The following TAF6 variants were observed in gnomAD, a reference collection of about 807,000 sequenced individuals.
The protein encoded by TAF6 is transcription initiation factor TFIID subunit 6.
In TAF6, 50 loss-of-function variants were observed where a neutral mutation model predicts 73.5. The ratio of observed to expected loss-of-function variants is 0.68; its 90% CI spans 0.54 to 0.86. The LOEUF (loss-of-function observed/expected upper bound fraction) is 0.86, where lower values mean the gene tolerates loss of function less well. Among genes scored for constraint, TAF6 ranks in the 40% least tolerant of loss-of-function variants. The probability of loss-of-function intolerance (pLI) is 0.00; values close to 1 mark genes in which losing one functional copy is unlikely to be tolerated. For missense variants in TAF6, 768 were observed against 899.5 expected, an observed-to-expected ratio of 0.85 and a Z score of 1.87; for synonymous variants, 424 against 376.7, an observed-to-expected ratio of 1.13 and a Z score of -1.45.
chr7:100,113,486 A>G (rs1213532791), intron 4 of TAF6, 81 bp from the exon 5 acceptor site: 1 of 1,527,486 alleles, frequency 6.5e-7, no homozygotes, highest in East Asian at 2.3e-5. Flanking sequence ...GCGTGTTTCC[A>G]CTCCTGCTCC....
At chr7:100,121,867 G>T (rs375581987), upstream of TAF6, among the ~76,000 whole-genome samples, 1 of 145,766 alleles carries the variant, frequency 6.9e-6, no homozygotes, top group Non-Finnish European at 1.5e-5. Context: ...TGGCTAACAC[G>T]GTGAAACCCT....
chr7:100,123,295 T>A, upstream of TAF6, among the ~76,000 whole-genome samples: 1 of 150,262 alleles, frequency 6.7e-6, no homozygotes, highest in East Asian at 2.0e-4. Flanking sequence ...TGAGCCAAGA[T>A]CGCACCATTG....
chr7:100,111,406 G>A (rs1256832847), intron 9 of TAF6, 85 bp from the exon 10 acceptor site: 4 of 1,469,488 alleles, frequency 2.7e-6, no homozygotes, highest in East Asian at 4.7e-5. Context: ...AGGCTGGTGT[G>A]CAGGGACACA....
upstream of TAF6, chr7:100,122,982 A>C: frequency 6.8e-7 from 1 of 1,476,462 alleles, no homozygotes; most frequent in Admixed American, 2.1e-5. Flanking sequence ...GGGTTTGACT[A>C]TAGGGGATGT....
At chr7:100,122,229 C>T, upstream of TAF6, 3 of 1,612,474 alleles carry the variant, frequency 1.9e-6, no homozygotes, top group Non-Finnish European at 2.5e-6. Flanking sequence ...TGTCTTTTAC[C>T]TCCCCCCGGA....
rs375784293 is a variant in TAF6 at position 100,114,125 on chromosome 7, C to G, written c.85G>C (p.Ala29Pro). The change falls in exon 2 of 15, where the codon GCC becomes CCC. Residue 29 changes from alanine to proline, a missense_variant. Around this residue, in one of 5 missense-constraint regions of TAF6, gnomAD observed 269 missense variants for 268.0 expected, o/e 1.00. Transcript: ENST00000453269. ...MKVVAESMGI[A>P]QIQEETCQLL... ...TGGCAGGTCTCCTCCTGAATCTGGG[C>G]GATGCCCATGGATTCAGCCACCACC... 4 of 1,614,172 alleles carry G rather than the reference C, an allele frequency of 2.5e-6. No homozygotes were observed. In the South Asian group the frequency reaches 4.4e-5, roughly 18 times the overall value.
At position 100,119,326 on chromosome 7, in the gene TAF6, C is replaced by A; in HGVS notation, c.-182G>T. The A allele has an allele frequency of 9.7e-7, 1 of 1,034,048 alleles. No homozygotes were observed. The highest frequency in any genetic ancestry group is 1.2e-6 in the Non-Finnish European group (1 of 859,012). The allele number at this position is 1,034,048 out of a possible 1,614,324, so 64.1% of individuals were successfully genotyped here. On this transcript the variant is annotated 5_prime_UTR_variant, in exon 1 of 15. An upstream open reading frame in the 5' UTR loses its in-frame stop. Coordinates refer to ENST00000453269, the MANE Select transcript of TAF6 (RefSeq NM_139315.3). Reference sequence around the variant, plus strand: ...CTCTAGCGGCAGCCGAGACGCTGCTCACCCGGCGCTCGGCGCCATCTTGGC... The same window carrying A: ...CTCTAGCGGCAGCCGAGACGCTGCTAACCCGGCGCTCGGCGCCATCTTGGC...
chr7:100,119,570 A>G (rs932544850), upstream of TAF6: 2 of 1,430,622 alleles, frequency 1.4e-6, no homozygotes, highest in Non-Finnish European at 1.9e-6. Flanking sequence ...CACAAAACGG[A>G]GGCAGGGAAA....
At chr7:100,107,715 C>T (rs1391181029) in intron 14 of TAF6, 92 bp from the exon 15 acceptor site, 5 of 1,525,846 alleles carry the variant, frequency 3.3e-6, no homozygotes, top group African/African-American at 1.4e-5. Flanking sequence ...CCTGCCTGAA[C>T]AAGTTGTTCC....
At chr7:100,121,108 ATATATATATTTTTTTTTT>A (rs1798035013), upstream of TAF6, 1 of 17,894 alleles carries the variant, frequency 5.6e-5, no homozygotes, top group African/African-American at 2.2e-4. Context: ...ATATATATAT[ATATATATATTTTTTTTTT>A]TTTTTTTTTT....
intron 9 of TAF6, 72 bp downstream of exon 9, chr7:100,111,656 T>C: frequency 6.6e-7 from 1 of 1,509,294 alleles, no homozygotes; most frequent in Non-Finnish European, 9.2e-7. Flanking sequence ...GAGCCACTGC[T>C]GACCACTGAC....
At chr7:100,110,992 A>AC in intron 10 of TAF6, 147 bp downstream of exon 10, 1 of 911,522 alleles carries the variant, frequency 1.1e-6, no homozygotes, top group East Asian at 2.7e-5. Context: ...AAAAAAAAAA[A>AC]AAAGGTATTA....
rs190057082 is a variant in TAF6, at chr7:100,113,087, A to T, written c.455-170T>A. 1.4e-3 allele frequency among the ~76,000 whole-genome samples: 211 copies of T among 151,960 alleles called. 3 individuals are homozygous for T. In the East Asian group the frequency reaches 0.026, roughly 19 times the overall value. On this transcript the variant is annotated intron_variant, in intron 5 of 14. Coordinates refer to ENST00000453269, the MANE Select transcript of TAF6 (RefSeq NM_139315.3). Reference sequence around the variant, plus strand: ...CGAGACCAGCCTGGCCAACATGGTGAAACCTCGTGTCTACTAAAATTACAA... The same window carrying T: ...CGAGACCAGCCTGGCCAACATGGTGTAACCTCGTGTCTACTAAAATTACAA...
chr7:100,108,182 G>A lies in TAF6; in HGVS notation c.1459-59C>T, dbSNP rs527290968. On this transcript the variant is annotated intron_variant, in intron 13 of 14. Transcript: ENST00000453269. The stretch of plus-strand genomic sequence containing the variant: ...CATCTACTAAGAAGAGGAGTCTGAA[G>A]GGAGAGGCCTGGGCTCCCCTCGCTC... 3.2e-5 allele frequency: 49 copies of A among 1,528,506 alleles called. 2 individuals are homozygous for A. In the Middle Eastern group the frequency reaches 9.3e-4, roughly 29 times the overall value. The allele number at this position is 1,528,506 out of a possible 1,614,324, so 94.7% of individuals were successfully genotyped here.
At position 100,107,196 on chromosome 7, in the gene TAF6, G is replaced by A. The variant is rs367786132; in HGVS notation, c.*50C>T. 160 of 1,518,868 alleles carry A rather than the reference G, an allele frequency of 1.1e-4. No individual in the cohort carries two copies. In the African/African-American group the frequency reaches 1.3e-3, roughly 12 times the overall value. The allele number at this position is 1,518,868 out of a possible 1,614,324, so 94.1% of individuals were successfully genotyped here. Reference sequence around the variant, plus strand: ...CGAGCATGCATGTGTGTACGTGCACGTGTGTACATGTCTGCATGTGTGGGA... The same window carrying A: ...CGAGCATGCATGTGTGTACGTGCACATGTGTACATGTCTGCATGTGTGGGA... On this transcript the variant is annotated 3_prime_UTR_variant, in exon 15 of 15. Coordinates refer to ENST00000453269, the MANE Select transcript of TAF6 (RefSeq NM_139315.3).
chr7:100,119,193 A>G lies in TAF6; in HGVS notation c.-60+11T>C. On this transcript the variant is annotated intron_variant, in intron 1 of 14. Transcript: ENST00000453269. ...ACACGGGGTCCCCACGAGCACAGAC[A>G]CACAACCAACCGTCCTCTTTCCAGT... The G allele has an allele frequency of 5.1e-6, 5 of 989,994 alleles. No individual in the cohort carries two copies. The highest frequency in any genetic ancestry group is 6.0e-6 in the Non-Finnish European group (5 of 832,386). 61.3% of individuals were successfully genotyped at this position (989,994 alleles called of 1,614,324 possible). A position where few individuals can be genotyped will look rare whatever the true frequency, so the allele number is the denominator to read the frequency against.
Position 100,111,827 on chromosome 7 carries a change from G to T in TAF6, c.801C>A (p.Val267=). Residue 267 remains valine (V), a splice_region_variant and synonymous_variant, in exon 9 of 15, where the codon GTC becomes GTA. Transcript: ENST00000453269. ...GGTTGTTCTGAACCACGTTCACACGGACCTGTGGGAGGGAGAAGTGCTGGG... is the reference window on the plus strand; with the variant it reads ...GGTTGTTCTGAACCACGTTCACACGTACCTGTGGGAGGGAGAAGTGCTGGG... The part of the protein sequence containing the change: ...PRFSTFISEG[V]RVNVVQNNLA... The T allele has an allele frequency of 6.2e-7, 1 of 1,614,224 alleles. No individual in the cohort carries two copies. The highest frequency in any genetic ancestry group is 8.5e-7 in the Non-Finnish European group (1 of 1,180,024).
At chr7:100,121,112 ATATAT>A (rs1798040522), upstream of TAF6, 1 of 30,718 alleles carries the variant, frequency 3.3e-5, no homozygotes, top group African/African-American at 1.6e-4. Flanking sequence ...ATATATATAT[ATATAT>A]TTTTTTTTTT....
At chr7:100,114,411 G>C (rs1193297753) in intron 1 of TAF6, 143 bp from the exon 2 acceptor site, 1 of 848,882 alleles carries the variant, frequency 1.2e-6, no homozygotes, top group Non-Finnish European at 1.9e-6. Flanking sequence ...AGGTGTAACA[G>C]AGAAAGATAC....
Sources: allele counts gnomAD v4.1 joint callset (sites outside exome capture counted in the v4.1 genomes callset), GRCh38; gene constraint gnomAD v4.1.1; regional missense constraint gnomAD v4.1.1; transcripts MANE v1.5; gene names NCBI Gene and HGNC (gene_info 2026-07-23, HGNC 2026-07-21).